The following ZCCHC7 variants were observed in gnomAD, a reference collection of about 807,000 sequenced individuals.
ZCCHC7 encodes the protein zinc finger CCHC-type containing 7.
A neutral mutation model predicts 52.0 loss-of-function variants in ZCCHC7; 35 were observed. The ratio of observed to expected loss-of-function variants is 0.67; its 90% CI spans 0.51 to 0.89. The LOEUF (loss-of-function observed/expected upper bound fraction) is 0.89, where lower values mean the gene tolerates loss of function less well. Among genes scored for constraint, ZCCHC7 ranks in the 40% least tolerant of loss-of-function variants. The pLI is 0.00. For synonymous variants in ZCCHC7, 217 were observed against 221.5 expected, an observed-to-expected ratio of 0.98 and a Z score of 0.18; for missense variants, 574 against 649.1, an observed-to-expected ratio of 0.88 and a Z score of 1.26.
At chr9:37,314,532 T>C (rs905424247) in intron 5 of ZCCHC7, among the ~76,000 whole-genome samples, 4 of 152,164 alleles carry the variant, frequency 2.6e-5, no homozygotes. Context: ...ATCTGAGTTA[T>C]GAATTGAGAG....
rs561604262 is a variant in ZCCHC7, at chr9:37,318,533, C to T, written c.952-9266C>T. 2.0e-5 allele frequency among the ~76,000 whole-genome samples: 3 copies of T among 151,930 alleles called. No homozygotes were observed. The East Asian group carries it at 5.8e-4, about 29-fold the overall frequency. On this transcript the variant is annotated intron_variant, in intron 5 of 8. Coordinates refer to ENST00000336755, the MANE Select transcript of ZCCHC7 (RefSeq NM_032226.3). ...TAAGTTGCTAGTACATTAAGTAAAA[C>T]ACACAGATTACAAAACAGTATGTGA...
intron 2 of ZCCHC7, among the ~76,000 whole-genome samples, chr9:37,242,237 G>A (rs372825040): frequency 6.6e-6 from 1 of 151,742 alleles, no homozygotes; most frequent in Non-Finnish European, 1.5e-5. Context: ...CATGCAATCC[G>A]TTAAAATTTC....
At chr9:37,299,261 C>T (rs925617791) in intron 2 of ZCCHC7, among the ~76,000 whole-genome samples, 4 of 152,192 alleles carry the variant, frequency 2.6e-5, no homozygotes, top group Admixed American at 2.0e-4. Context: ...CTCTTTAAGG[C>T]GAATTACCTT....
chr9:37,206,038 C>T (rs1380010161), intron 2 of ZCCHC7, among the ~76,000 whole-genome samples: 1 of 152,076 alleles, frequency 6.6e-6, no homozygotes, highest in African/African-American at 2.4e-5. Context: ...CTAAAATCTG[C>T]TTTTTCTAAT....
intron 2 of ZCCHC7, chr9:37,186,765 C>T: frequency 1.8e-6 from 1 of 546,280 alleles, no homozygotes; most frequent in Non-Finnish European, 3.5e-6. Flanking sequence ...TGGAATGATT[C>T]ATTTCTATGG....
intron 2 of ZCCHC7, among the ~76,000 whole-genome samples, chr9:37,297,206 C>T (rs999324157): frequency 1.3e-5 from 2 of 152,008 alleles, no homozygotes; most frequent in African/African-American, 4.8e-5. Flanking sequence ...TTAAATTAGC[C>T]TTCTATTGTT....
intron 3 of ZCCHC7, among the ~76,000 whole-genome samples, chr9:37,303,922 G>A (rs569110542): frequency 2.6e-5 from 4 of 151,772 alleles, no homozygotes; most frequent in Non-Finnish European, 4.4e-5. Context: ...CTCGGCCTCC[G>A]AAAGTGCTGG....
chr9:37,296,852 A>G lies in ZCCHC7; in HGVS notation c.611-5336A>G, dbSNP rs554401172. 5.3e-5 allele frequency among the ~76,000 whole-genome samples: 8 copies of G among 150,276 alleles called. No individual in the cohort carries two copies. In the East Asian group the frequency reaches 1.4e-3, roughly 26 times the overall value. ...CTCAGCCTCCATATTAGCTGGGACT[A>G]TAGGCATGCACCACCATACCTGGCT... On this transcript the variant is annotated intron_variant, in intron 2 of 8. Transcript: ENST00000336755.
At chr9:37,258,699 C>T (rs1826711243) in intron 2 of ZCCHC7, among the ~76,000 whole-genome samples, 1 of 140,988 alleles carries the variant, frequency 7.1e-6, no homozygotes, top group East Asian at 2.1e-4. Flanking sequence ...CTGCAGTGAG[C>T]CGTGATTGTT....
At chr9:37,180,340 A>G (rs1472543546) in intron 2 of ZCCHC7, among the ~76,000 whole-genome samples, 1 of 152,144 alleles carries the variant, frequency 6.6e-6, no homozygotes, top group Admixed American at 6.5e-5. Context: ...GGGGGAAAAA[A>G]GACATTGCAT....
chr9:37,202,785 A>G (rs1823706366), intron 2 of ZCCHC7, among the ~76,000 whole-genome samples: 2 of 152,238 alleles, frequency 1.3e-5, no homozygotes, highest in South Asian at 4.1e-4. Context: ...CCCGGCCCTT[A>G]TAAACTACTT....
chr9:37,310,278 A>G (rs145923638), intron 5 of ZCCHC7, among the ~76,000 whole-genome samples: 157 of 152,334 alleles, frequency 1.0e-3, no homozygotes, highest in African/African-American at 3.6e-3. Flanking sequence ...TGAATCTGCT[A>G]TAGTTTCTCT....
At chr9:37,327,864 C>G in intron 6 of ZCCHC7, 30 bp downstream of exon 6, 1 of 1,610,702 alleles carries the variant, frequency 6.2e-7, no homozygotes, top group Non-Finnish European at 8.5e-7. Context: ...TTATTTTCCC[C>G]AAGACCTAGC....
At chr9:37,165,758 C>T (rs935728674) in intron 2 of ZCCHC7, among the ~76,000 whole-genome samples, 2 of 152,158 alleles carry the variant, frequency 1.3e-5, no homozygotes, top group Non-Finnish European at 2.9e-5. Context: ...TGAAGCAAAT[C>T]TGATTTTCAG....
At chr9:37,293,744 GGT>G (rs1305256739) in intron 2 of ZCCHC7, among the ~76,000 whole-genome samples, 2 of 152,058 alleles carry the variant, frequency 1.3e-5, no homozygotes, top group African/African-American at 4.8e-5. Flanking sequence ...TTGTAAGCCA[GGT>G]GGTTCACTGA....
At chr9:37,246,257 TAATTTGAGGTGTCCAG>T (rs1826076853) in intron 2 of ZCCHC7, among the ~76,000 whole-genome samples, 1 of 152,108 alleles carries the variant, frequency 6.6e-6, no homozygotes, top group African/African-American at 2.4e-5. Flanking sequence ...GTGGATGATC[TAATTTGAGGTGTCCAG>T]AAAGGAACTG....
At chr9:37,292,035 C>A (rs12377211) in intron 2 of ZCCHC7, among the ~76,000 whole-genome samples, 1 of 152,142 alleles carries the variant, frequency 6.6e-6, no homozygotes, top group Admixed American at 6.5e-5. Context: ...TATTTAAAAT[C>A]TGATATGAGT....
chr9:37,291,898 G>C (rs925768949), intron 2 of ZCCHC7, among the ~76,000 whole-genome samples: 1 of 152,140 alleles, frequency 6.6e-6, no homozygotes, highest in African/African-American at 2.4e-5. Flanking sequence ...TCTCCATGTT[G>C]GTCAGGCTGG....
chr9:37,218,413 T>C (rs1346539371), intron 2 of ZCCHC7, among the ~76,000 whole-genome samples: 1 of 152,246 alleles, frequency 6.6e-6, no homozygotes, highest in Non-Finnish European at 1.5e-5. Flanking sequence ...GTTCTAAGTT[T>C]TAATTTTAGC....
Sources: allele counts gnomAD v4.1 joint callset (sites outside exome capture counted in the v4.1 genomes callset), GRCh38; gene constraint gnomAD v4.1.1; transcripts MANE v1.5; gene names NCBI Gene and HGNC (gene_info 2026-07-23, HGNC 2026-07-21).